The following RAD1 variants were observed in gnomAD, a reference collection of about 807,000 sequenced individuals.
RAD1 encodes the protein RAD1 checkpoint DNA exonuclease.
Under a neutral mutation model 30.0 loss-of-function variants are expected in RAD1, and 21 were observed. The ratio of observed to expected loss-of-function variants is 0.70; its 90% CI spans 0.50 to 1.01. The LOEUF (loss-of-function observed/expected upper bound fraction) is 1.01, where lower values mean the gene tolerates loss of function less well. Among genes scored for constraint, RAD1 ranks in the 50% least tolerant of loss-of-function variants. RAD1 has a pLI of 0.00. For synonymous variants in RAD1, 109 were observed against 113.6 expected, an observed-to-expected ratio of 0.96 and a Z score of 0.26; for missense variants, 329 against 329.0, an observed-to-expected ratio of 1.00 and a Z score of 0.00.
rs375848964 is a variant in RAD1 at position 34,907,480 on chromosome 5, T to C, written c.*1285A>G. On this transcript the variant is annotated 3_prime_UTR_variant, in exon 6 of 6. Transcript: ENST00000382038. ...AGTAACAAAGACAGAAGCTTCACTT[T>C]ACTCATGTAATTTTTTCTACTAGAC... 3.9e-5 allele frequency: 6 copies of C among 152,342 alleles called. 1 individual carries two copies. The highest frequency in any genetic ancestry group is 1.4e-4 in the African/African-American group (6 of 41,588). 9.4% of individuals were successfully genotyped at this position (152,342 alleles called of 1,614,324 possible).
Position 34,911,432 on chromosome 5 carries a change from C to T in RAD1, c.566+122G>A, listed in dbSNP as rs1763834442. The T allele has an allele frequency of 6.0e-6, 7 of 1,170,304 alleles. No individual in the cohort carries two copies. In the East Asian group the frequency reaches 1.6e-4, roughly 28 times the overall value. The allele number at this position is 1,170,304 out of a possible 1,614,324, so 72.5% of individuals were successfully genotyped here. A position where few individuals can be genotyped will look rare whatever the true frequency, so the allele number is the denominator to read the frequency against. ...TAAAATTATGAGGTAAGAGTACAAG[C>T]TGTCTAAAGTTGTGAAAACTCTAAA... is the stretch of plus-strand genomic sequence containing the variant. On this transcript the variant is annotated intron_variant, in intron 4 of 5. Transcript: ENST00000382038.
rs1763711799 is a variant in RAD1, at chr5:34,908,190, T to TTTTGG, written c.*574_*575insCCAAA. 6.6e-6 allele frequency: 1 copy of TTTTGG among 150,444 alleles called. No homozygotes were observed. The highest frequency in any genetic ancestry group is 2.4e-5 in the African/African-American group (1 of 41,076). The allele number at this position is 150,444 out of a possible 1,614,324, so 9.3% of individuals were successfully genotyped here. On this transcript the variant is annotated 3_prime_UTR_variant, in exon 6 of 6. Coordinates refer to ENST00000382038, the MANE Select transcript of RAD1 (RefSeq NM_002853.4). Reference sequence around the variant, plus strand: ...TTTAGACTTTTTTTTTTTTTTTTTTTGAGGCAGAGTTTTGCTCTTATTGCC... The same window carrying TTTTGG: ...TTTAGACTTTTTTTTTTTTTTTTTTTTTTGGGAGGCAGAGTTTTGCTCTTATTGCC...
intron 5 of RAD1, 22 bp from the exon 6 acceptor site, chr5:34,908,970 G>A (rs1344939260): frequency 3.2e-6 from 5 of 1,577,446 alleles, no homozygotes; most frequent in Admixed American, 3.7e-5. Context: ...AAAATAAAAC[G>A]CTGTTATATC....
intron 5 of RAD1, 148 bp downstream of exon 5, chr5:34,909,110 A>T (rs925237356): frequency 3.5e-6 from 3 of 853,830 alleles, no homozygotes; most frequent in African/African-American, 3.4e-5. Context: ...AGAACCCTAC[A>T]TCCCCTAGTA....
At position 34,914,794 on chromosome 5, in the gene RAD1, A is replaced by C. The variant is rs1395160008; in HGVS notation, c.99T>G (p.Ala33=). ...NVRNLSTILK[A]IHFREHATCF... is the part of the protein sequence containing the mutation. ...ACGTGGCATGTTCTCGGAAATGAAT[A>C]GCTTTCAAGATAGTGGAGAGATTCC... Residue 33 remains alanine, a synonymous_variant, in exon 2 of 6, where the codon GCT becomes GCG. Transcript: ENST00000382038. 6.2e-7 allele frequency: 1 copy of C among 1,614,132 alleles called. No homozygotes were observed. The highest frequency in any genetic ancestry group is 8.5e-7 in the Non-Finnish European group (1 of 1,180,050).
Position 34,908,822 on chromosome 5 carries a change from T to C in RAD1, c.792A>G (p.Ile264Met). 6.2e-7 allele frequency: 1 copy of C among 1,612,882 alleles called. No homozygotes were observed. Among genetic ancestry groups the C allele is most frequent in the Non-Finnish European group, 8.5e-7 (1 of 1,179,664 alleles). ...QYMIRNEDGQ[I>M]CFVEYYCCPD... ...GGCAGCAGTAATATTCCACAAAACA[T>C]ATTTGTCCATCTTCATTTCTAATCA... is the stretch of plus-strand genomic sequence containing the variant. The change falls in exon 6 of 6, where the codon ATA becomes ATG. Residue 264 changes from isoleucine (I) to methionine (M), a missense_variant. Transcript: ENST00000382038.
Position 34,914,879 on chromosome 5 carries a change from G to A in RAD1, c.14C>T (p.Thr5Ile), listed in dbSNP as rs1580509021. The change falls in exon 2 of 6, where the codon ACC becomes ATC. Residue 5 changes from threonine (T) to isoleucine (I), a missense_variant. By Grantham distance (89) the Thr-to-Ile change is moderately conservative. Transcript: ENST00000382038. MPLL[T>I]QQIQDEDDQY... The stretch of plus-strand genomic sequence containing the variant: ...ATCATCCTCGTCTTGGATCTGTTGG[G>A]TCAGAAGGGGCATCGTCCACTGCGC... 1 of 1,614,086 alleles carries A rather than the reference G, an allele frequency of 6.2e-7. No homozygotes were observed.
In RAD1 at chr5:34,908,692, A is replaced by C; in HGVS notation, c.*73T>G. The C allele has an allele frequency of 5.3e-6, 7 of 1,325,990 alleles. No homozygotes were observed. Among genetic ancestry groups the C allele is most frequent in the Non-Finnish European group, 7.2e-6 (7 of 968,172 alleles). 82.1% of individuals were successfully genotyped at this position (1,325,990 alleles called of 1,614,324 possible). On this transcript the variant is annotated 3_prime_UTR_variant, in exon 6 of 6. Transcript: ENST00000382038. The stretch of plus-strand genomic sequence containing the variant: ...TATAGAAAATCCAATATGAAATGAC[A>C]AAGAGTACTGTACTCAGAATAAGAA...
chr5:34,914,444 T>G (rs927958525), intron 2 of RAD1: 7 of 489,506 alleles, frequency 1.4e-5, no homozygotes, highest in African/African-American at 1.4e-4. Context: ...TTAATAAACT[T>G]TAGTCATTAC....
At chr5:34,911,211 A>G (rs887395264) in intron 4 of RAD1, among the ~76,000 whole-genome samples, 3 of 152,218 alleles carry the variant, frequency 2.0e-5, no homozygotes, top group African/African-American at 4.8e-5. Flanking sequence ...AAAAGATACC[A>G]TAATACAAAC....
intron 2 of RAD1, chr5:34,914,356 G>A (rs1763968237): frequency 3.2e-6 from 1 of 312,140 alleles, no homozygotes; most frequent in African/African-American, 2.2e-5. Flanking sequence ...AATAATAACA[G>A]AACCTACCTT....
Position 34,914,907 on chromosome 5 carries a change from T to TCGGCCCCGAGGGATGCTCCTGGGGC in RAD1, c.-40_-16dup. ...AGAAGGGGCATCGTCCACTGCGCAT[T>TCGGCCCCGAGGGATGCTCCTGGGGC]CGGCCCCGAGGGATGCTCCTGGGGC... On this transcript the variant is annotated 5_prime_UTR_variant, in exon 2 of 6. Transcript: ENST00000382038. 1 of 1,613,898 alleles carries TCGGCCCCGAGGGATGCTCCTGGGGC rather than the reference T, an allele frequency of 6.2e-7. No homozygotes were observed. The highest frequency in any genetic ancestry group is 8.5e-7 in the Non-Finnish European group (1 of 1,179,994).
chr5:34,911,543 C>T lies in RAD1; in HGVS notation c.566+11G>A. 1 of 1,613,646 alleles carries T rather than the reference C, an allele frequency of 6.2e-7. No homozygotes were observed. Among genetic ancestry groups the T allele is most frequent in the South Asian group, 1.1e-5 (1 of 91,036 alleles). On this transcript the variant is annotated intron_variant, in intron 4 of 5. Coordinates refer to ENST00000382038, the MANE Select transcript of RAD1 (RefSeq NM_002853.4). ...GACCACATTAACTATAACTGCACTG[C>T]TCTCAAGTACCTGAAATAAGGCTTG... is the stretch of plus-strand genomic sequence containing the variant.
In RAD1 at chr5:34,908,649, C is replaced by T. The variant is rs1057088134; in HGVS notation, c.*116G>A. The T allele has an allele frequency of 1.1e-6, 1 of 922,192 alleles. No individual in the cohort carries two copies. Among genetic ancestry groups the T allele is most frequent in the African/African-American group, 1.7e-5 (1 of 59,792 alleles). The allele number at this position is 922,192 out of a possible 1,614,324, so 57.1% of individuals were successfully genotyped here. The stretch of plus-strand genomic sequence containing the variant: ...GGTACATGACCTTGCTCCTATCTTC[C>T]CCATTGTGCTTCTTCTCTATAGAAA... On this transcript the variant is annotated 3_prime_UTR_variant, in exon 6 of 6. Transcript: ENST00000382038.
At chr5:34,913,128 C>A (rs41271689) in intron 3 of RAD1, among the ~76,000 whole-genome samples, 1 of 152,022 alleles carries the variant, frequency 6.6e-6, no homozygotes, top group African/African-American at 2.4e-5. Flanking sequence ...CACTAACTAG[C>A]GGAGTAATTC....
chr5:34,908,971 C>A (rs765250447), intron 5 of RAD1, 23 bp from the exon 6 acceptor site: 43 of 1,576,140 alleles, frequency 2.7e-5, no homozygotes, highest in Non-Finnish European at 3.6e-5. Flanking sequence ...AAATAAAACG[C>A]TGTTATATCA....
At chr5:34,914,580 A>T in intron 2 of RAD1, 115 bp downstream of exon 2, 1 of 886,108 alleles carries the variant, frequency 1.1e-6, no homozygotes, top group South Asian at 1.7e-5. Flanking sequence ...ATTTATTATG[A>T]CTATTGACAA....
intron 2 of RAD1, 51 bp from the exon 3 acceptor site, chr5:34,913,629 T>C (rs1415888130): frequency 2.8e-6 from 3 of 1,085,754 alleles, no homozygotes; most frequent in Admixed American, 2.2e-5. Context: ...TAAAAACTAA[T>C]AATATAAGGT....
rs1763614325 is a variant in RAD1 at position 34,905,340 on chromosome 5, C to T, written c.*3425G>A. ...AAGACAGGGAAGGAAAGAAGGAAGTCTCTATGTTCTGAAGGACTGCCTACC... is the reference window on the plus strand; with the variant it reads ...AAGACAGGGAAGGAAAGAAGGAAGTTTCTATGTTCTGAAGGACTGCCTACC... On this transcript the variant is annotated 3_prime_UTR_variant, in exon 6 of 6. Coordinates refer to ENST00000382038, the MANE Select transcript of RAD1 (RefSeq NM_002853.4). 2 of 152,182 alleles carry T rather than the reference C, an allele frequency of 1.3e-5. No individual in the cohort carries two copies. The highest frequency in any genetic ancestry group is 6.5e-5 in the Admixed American group (1 of 15,274). 9.4% of individuals were successfully genotyped at this position (152,182 alleles called of 1,614,324 possible). A position where few individuals can be genotyped will look rare whatever the true frequency, so the allele number is the denominator to read the frequency against.
Sources: allele counts gnomAD v4.1 joint callset (sites outside exome capture counted in the v4.1 genomes callset), GRCh38; gene constraint gnomAD v4.1.1; transcripts MANE v1.5; gene names NCBI Gene and HGNC (gene_info 2026-07-23, HGNC 2026-07-21).